The following GADL1 variants were observed in gnomAD, a reference collection of about 807,000 sequenced individuals.
The protein encoded by GADL1 is GAD like acidic amino acid decarboxylase 1.
GADL1 carries 71 observed loss-of-function variants against 69.5 expected under a neutral mutation model. The ratio of observed to expected loss-of-function variants is 1.02; its 90% CI spans 0.84 to 1.25. The LOEUF is 1.25. GADL1 is among the 50% of genes most tolerant of loss of function. The pLI, the probability that GADL1 is intolerant of heterozygous loss-of-function variation, is 0.00. For missense variants in GADL1, 737 were observed against 631.8 expected, an observed-to-expected ratio of 1.17 and a Z score of -1.79; for synonymous variants, 254 against 214.4, an observed-to-expected ratio of 1.18 and a Z score of -1.62.
In GADL1 at chr3:30,805,734, C is replaced by CTTTTTTTTTTTTTTTTTT. The variant is rs34788058; in HGVS notation, c.1051-4664_1051-4647dup. On this transcript the variant is annotated intron_variant, in intron 11 of 14. Transcript: ENST00000282538. ...ATTCTGTGCACCAGCAGTCCCCAGCCTTTTTTTTTTTTTTTTTTTTTTTTG... is the reference window on the plus strand; with the variant it reads ...ATTCTGTGCACCAGCAGTCCCCAGCCTTTTTTTTTTTTTTTTTTTTTTTTTTTTTTTTTTTTTTTTTTG... Among the ~76,000 whole-genome samples the CTTTTTTTTTTTTTTTTTT allele has an allele frequency of 1.5e-3, 100 of 66,094 alleles. 6 individuals carry two copies. The East Asian group carries it at 0.023, about 15-fold the overall frequency. The allele number at this position is 66,094 out of a possible 152,430, so 43.4% of individuals were successfully genotyped here.
chr3:30,832,433 A>G (rs893116170), intron 11 of GADL1, among the ~76,000 whole-genome samples: 5 of 152,030 alleles, frequency 3.3e-5, no homozygotes, highest in Admixed American at 2.0e-4. Context: ...TGTCTAAATT[A>G]CTCAAATATC....
At chr3:30,794,731 T>TA in intron 12 of GADL1, among the ~76,000 whole-genome samples, 1 of 152,292 alleles carries the variant, frequency 6.6e-6, no homozygotes, top group East Asian at 1.9e-4. Flanking sequence ...TGACAACCCA[T>TA]AAAATTGGAA....
intron 11 of GADL1, among the ~76,000 whole-genome samples, chr3:30,831,322 A>T (rs952833924): frequency 2.6e-5 from 4 of 151,862 alleles, no homozygotes; most frequent in South Asian, 2.1e-4. Context: ...AATTTTTTTT[A>T]AAAAGGGCGT....
chr3:30,774,438 C>T (rs1696488036), intron 14 of GADL1, among the ~76,000 whole-genome samples: 1 of 152,130 alleles, frequency 6.6e-6, no homozygotes, highest in Non-Finnish European at 1.5e-5. Context: ...ATGATTTCTT[C>T]AGAGTATTCG....
chr3:30,765,714 G>C (rs539808433), intron 14 of GADL1, among the ~76,000 whole-genome samples: 10 of 152,258 alleles, frequency 6.6e-5, no homozygotes, highest in African/African-American at 1.9e-4. Context: ...AGCCAGGCTT[G>C]GAAGGGTTGA....
At chr3:30,840,248 C>T (rs1420329754) in intron 8 of GADL1, among the ~76,000 whole-genome samples, 2 of 152,102 alleles carry the variant, frequency 1.3e-5, no homozygotes, top group Non-Finnish European at 1.5e-5. Flanking sequence ...TCCAATTTAA[C>T]CGACTTTTGA....
At chr3:30,794,241 T>C (rs1696980937) in intron 12 of GADL1, among the ~76,000 whole-genome samples, 1 of 152,126 alleles carries the variant, frequency 6.6e-6, no homozygotes, top group Non-Finnish European at 1.5e-5. Context: ...AGGGAATAGA[T>C]AGATAAATGA....
intron 12 of GADL1, among the ~76,000 whole-genome samples, chr3:30,796,927 G>A (rs892238286): frequency 6.6e-6 from 1 of 152,172 alleles, no homozygotes; most frequent in Non-Finnish European, 1.5e-5. Flanking sequence ...CCAAAGCCAT[G>A]TGTTTACCTG....
intron 14 of GADL1, among the ~76,000 whole-genome samples, chr3:30,771,922 A>C (rs956169012): frequency 6.6e-5 from 10 of 152,214 alleles, no homozygotes; most frequent in African/African-American, 2.4e-4. Flanking sequence ...TTAGACATGC[A>C]AAAAGACATT....
chr3:30,829,836 A>C (rs531591982), intron 11 of GADL1, among the ~76,000 whole-genome samples: 8 of 152,040 alleles, frequency 5.3e-5, no homozygotes, highest in Admixed American at 3.3e-4. Context: ...GTGGGAGAGA[A>C]TATTACATGA....
intron 9 of GADL1, among the ~76,000 whole-genome samples, chr3:30,836,228 C>T (rs907989037): frequency 2.6e-5 from 4 of 151,954 alleles, no homozygotes; most frequent in African/African-American, 7.2e-5. Context: ...TTCATGCTCC[C>T]TGAGCTAGCC....
At chr3:30,875,210 A>G (rs1193253419) in intron 1 of GADL1, among the ~76,000 whole-genome samples, 2 of 148,838 alleles carry the variant, frequency 1.3e-5, no homozygotes, top group Non-Finnish European at 1.5e-5. Context: ...TCAAGGATAT[A>G]GAGAAAAAAA....
chr3:30,810,729 C>T (rs1465868041), intron 11 of GADL1, among the ~76,000 whole-genome samples: 2 of 152,114 alleles, frequency 1.3e-5, no homozygotes, highest in African/African-American at 4.8e-5. Flanking sequence ...CTCTTGGCCG[C>T]ACCCTCCTCT....
At chr3:30,779,484 C>T (rs1331088524) in intron 13 of GADL1, among the ~76,000 whole-genome samples, 1 of 152,202 alleles carries the variant, frequency 6.6e-6, no homozygotes, top group Non-Finnish European at 1.5e-5. Flanking sequence ...TAATTCAACT[C>T]AATTTTCACA....
At chr3:30,795,557 C>T (rs1697014261) in intron 12 of GADL1, among the ~76,000 whole-genome samples, 2 of 152,078 alleles carry the variant, frequency 1.3e-5, no homozygotes, top group Admixed American at 1.3e-4. Context: ...CATACCACTG[C>T]ATATAGGCTT....
At chr3:30,755,598 T>TGA (rs1695949557) in intron 14 of GADL1, among the ~76,000 whole-genome samples, 1 of 145,722 alleles carries the variant, frequency 6.9e-6, no homozygotes, top group African/African-American at 2.6e-5. Context: ...TGTGTGTGTG[T>TGA]GACAGTTGTA....
Position 30,778,217 on chromosome 3 carries a change from T to A in GADL1, c.1354A>T (p.Met452Leu), listed in dbSNP as rs751239980. The A allele has an allele frequency of 1.2e-6, 2 of 1,611,684 alleles. No individual in the cohort carries two copies. Among genetic ancestry groups the A allele is most frequent in the South Asian group, 1.1e-5 (1 of 90,098 alleles). Reference sequence around the variant, plus strand: ...GCCCAGAACTCGGGTCCTTCTTCCATCTCTCTGAGGCTCGGTGGAATGTAC... The same window carrying A: ...GCCCAGAACTCGGGTCCTTCTTCCAACTCTCTGAGGCTCGGTGGAATGTAC... Reference protein sequence around the residue: ...FWYIPPSLREMEEGPEFWAKL... With the variant: ...FWYIPPSLRELEEGPEFWAKL... The change falls in exon 14 of 15, where the codon ATG becomes TTG. Residue 452 changes from methionine (M) to leucine (L), a missense_variant. Transcript: ENST00000282538.
chr3:30,893,537 T>A (rs924353486), intron 1 of GADL1, among the ~76,000 whole-genome samples: 1 of 152,140 alleles, frequency 6.6e-6, no homozygotes, highest in Non-Finnish European at 1.5e-5. Flanking sequence ...CCCTCTCCGC[T>A]CCCCAGCCTC....
At chr3:30,783,074 A>G (rs187295375) in intron 13 of GADL1, among the ~76,000 whole-genome samples, 5 of 152,346 alleles carry the variant, frequency 3.3e-5, no homozygotes, top group Admixed American at 3.3e-4. Context: ...GAAGTATTCA[A>G]TCACAGGTTG....
Sources: allele counts gnomAD v4.1 joint callset (sites outside exome capture counted in the v4.1 genomes callset), GRCh38; gene constraint gnomAD v4.1.1; transcripts MANE v1.5; gene names NCBI Gene and HGNC (gene_info 2026-07-23, HGNC 2026-07-21).